Variants in ADCY6 observed in about 807,000 individuals in gnomAD.
ADCY6 encodes the protein adenylate cyclase 6, also known as adenylate cyclase type 6.
Under a neutral mutation model 111.6 loss-of-function variants are expected in ADCY6, and 59 were observed. The observed-to-expected ratio is 0.53, with a 90% CI of 0.43 to 0.66. The LOEUF (loss-of-function observed/expected upper bound fraction) is 0.66. Among genes scored for constraint, ADCY6 ranks in the 30% least tolerant of loss-of-function variants. The pLI is 0.00. For missense variants in ADCY6, 1,242 were observed against 1,595.6 expected, an observed-to-expected ratio of 0.78 and a Z score of 3.78; for synonymous variants, 576 against 642.9, an observed-to-expected ratio of 0.90 and a Z score of 1.57.
chr12:48,768,885 G>A, intron 21 of ADCY6, 52 bp downstream of exon 21: 1 of 1,571,870 alleles, frequency 6.4e-7, no homozygotes, highest in East Asian at 2.2e-5. Context: ...AGACACCTGT[G>A]GAAGCCCTCC....
At chr12:48,785,581 T>G (rs1941965999) in intron 1 of ADCY6, among the ~76,000 whole-genome samples, 1 of 152,182 alleles carries the variant, frequency 6.6e-6, no homozygotes, top group Non-Finnish European at 1.5e-5. Flanking sequence ...ATCACACCAT[T>G]GCGCTCCAGC....
At position 48,775,307 on chromosome 12, in the gene ADCY6, T is replaced by C. The variant is rs780362549; in HGVS notation, c.1976A>G (p.Lys659Arg). 31 of 1,613,820 alleles carry C rather than the reference T, an allele frequency of 1.9e-5. No homozygotes were observed. The South Asian group carries it at 2.2e-4, about 11-fold the overall frequency. The change falls in exon 11 of 22, where the codon AAG becomes AGG. Residue 659 changes from lysine (K) to arginine (R), a missense_variant. Coordinates refer to ENST00000357869, the MANE Select transcript of ADCY6 (RefSeq NM_015270.5). Reference sequence around the variant, plus strand: ...TCTGCCCTGTATCCCTCAAACCTTCTTCTCAAGATCCTCTCTCTGGAAGGT... The same window carrying C: ...TCTGCCCTGTATCCCTCAAACCTTCCTCTCAAGATCCTCTCTCTGGAAGGT... The part of the protein sequence containing the change: ...LLTFQREDLE[K>R]KYSRKVDPRF...
Position 48,775,700 on chromosome 12 carries a change from T to C in ADCY6, c.1807-2A>G. 1 of 1,613,390 alleles carries C rather than the reference T, an allele frequency of 6.2e-7. No homozygotes were observed. The highest frequency in any genetic ancestry group is 8.5e-7 in the Non-Finnish European group (1 of 1,179,536). On this transcript the variant is annotated splice_acceptor_variant, in intron 9 of 21. Coordinates refer to ENST00000357869, the MANE Select transcript of ADCY6 (RefSeq NM_015270.5). LOFTEE classifies it high-confidence loss of function. ...GTCTTTGCTGGAATCATCAATGCCC[T>C]GGAGAAAGGGACAGAGTGTGGAGTG... is the stretch of plus-strand genomic sequence containing the variant.
chr12:48,771,423 CCTT>C lies in ADCY6; in HGVS notation c.3051+284_3051+286del, dbSNP rs1163530783. On this transcript the variant is annotated intron_variant, in intron 19 of 21. Transcript: ENST00000357869. This position sits in a 1 kb window ranked among gnomAD's most constrained non-coding sequence, Gnocchi z 4.3. ...ATGAGGTTCTGTCCACAGACTATTG[CCTT>C]CTTCTTCAGTGACATCCACCTGGTA... The C allele has an allele frequency of 1.3e-5, 7 of 552,536 alleles. No homozygotes were observed. The East Asian group carries it at 2.2e-4, about 18-fold the overall frequency. 34.2% of individuals were successfully genotyped at this position (552,536 alleles called of 1,614,324 possible).
chr12:48,774,409 G>T lies in ADCY6; in HGVS notation c.2276C>A (p.Ala759Asp), dbSNP rs1302774474. 6.2e-7 allele frequency: 1 copy of T among 1,612,816 alleles called. No homozygotes were observed. The highest frequency in any genetic ancestry group is 1.3e-5 in the African/African-American group (1 of 74,942). The change falls in exon 14 of 22, where the codon GCC becomes GAC. Residue 759 changes from alanine (A) to aspartate (D), a missense_variant. Ala to Asp is a moderately radical substitution (Grantham distance 126). This residue lies in a region of ADCY6 where 375 missense variants were observed against 432.5 expected (regional missense o/e 0.87). Transcript: ENST00000357869. ...TTCCCACTGGACCCTTACCATGTTG[G>T]CAATGGCAGAAGTAAACACAAGCAG... ...SVLLVFTSAIANMFTCNHTPI... is the reference protein window; with the variant it reads ...SVLLVFTSAIDNMFTCNHTPI...
At position 48,772,162 on chromosome 12, in the gene ADCY6, CA is replaced by C. The variant is rs1592155659; in HGVS notation, c.2787+132del. On this transcript the variant is annotated intron_variant, in intron 18 of 21. Transcript: ENST00000357869. ...TGGGGCAGGGAGTAAGGGATGGGCA[CA>C]GAGAAGGAATGGAACCAGGGTGGGC... is the stretch of plus-strand genomic sequence containing the variant. The C allele has an allele frequency of 2.8e-6, 4 of 1,431,150 alleles. No individual in the cohort carries two copies. In the East Asian group the frequency reaches 9.3e-5, roughly 33 times the overall value. The allele number at this position is 1,431,150 out of a possible 1,614,324, so 88.7% of individuals were successfully genotyped here. A position where few individuals can be genotyped will look rare whatever the true frequency, so the allele number is the denominator to read the frequency against.
chr12:48,783,236 C>A lies in ADCY6; in HGVS notation c.199G>T (p.Asp67Tyr), dbSNP rs770576323. The part of the protein sequence containing the change: ...PAGPPRCPWQ[D>Y]DAFIRRGGPG... The stretch of plus-strand genomic sequence containing the variant: ...CCGCCCCTCCGGATGAAGGCGTCAT[C>A]CTGCCAGGGGCACCGAGGGGGGCCC... Residue 67 changes from aspartate (D) to tyrosine (Y), a missense_variant, in exon 2 of 22, where the codon GAT (aspartate) becomes TAT (tyrosine). By Grantham distance (160) the Asp-to-Tyr change is radical. Around this residue, in one of 4 missense-constraint regions of ADCY6, gnomAD observed 362 missense variants for 377.2 expected, o/e 0.96. Coordinates refer to ENST00000357869, the MANE Select transcript of ADCY6 (RefSeq NM_015270.5). 2 of 1,609,396 alleles carry A rather than the reference C, an allele frequency of 1.2e-6. No homozygotes were observed. Among genetic ancestry groups the A allele is most frequent in the East Asian group, 2.2e-5 (1 of 44,872 alleles).
chr12:48,772,268 T>G (rs777151176), intron 18 of ADCY6, 27 bp downstream of exon 18: 3 of 1,594,024 alleles, frequency 1.9e-6, no homozygotes, highest in Non-Finnish European at 2.6e-6. Flanking sequence ...AGGTTCCTCC[T>G]CTTCCCCCAA....
Position 48,771,502 on chromosome 12 carries a change from T to A in ADCY6, c.3051+208A>T, listed in dbSNP as rs781760912. ...GTCCTCCCCTGCTCCCCAACAGTGA[T>A]GACCCTGCCCCACTAGGGCTGACCC... On this transcript the variant is annotated intron_variant, in intron 19 of 21. Transcript: ENST00000357869. This position sits in a 1 kb window ranked among gnomAD's most constrained non-coding sequence, Gnocchi z 4.3. 3.9e-5 allele frequency: 29 copies of A among 743,172 alleles called. 1 individual carries two copies. In the South Asian group the frequency reaches 4.5e-4, roughly 12 times the overall value. 46.0% of individuals were successfully genotyped at this position (743,172 alleles called of 1,614,324 possible). A position where few individuals can be genotyped will look rare whatever the true frequency, so the allele number is the denominator to read the frequency against.
Position 48,772,346 on chromosome 12 carries a change from A to C in ADCY6, c.2736T>G (p.His912Gln). ...LLVFALALYL[H>Q]AQQVESTARL... ...GGGCAGTCGACTCCACCTGCTGAGC[A>C]TGCAGATACAGCGCCAGCGCAAACA... Residue 912 changes from histidine to glutamine, a missense_variant, in exon 18 of 22, where the codon CAT (histidine) becomes CAG (glutamine). Physicochemically the swap from His to Gln is conservative, Grantham distance 24. Transcript: ENST00000357869. The C allele has an allele frequency of 5.6e-6, 9 of 1,614,164 alleles. No homozygotes were observed. The highest frequency in any genetic ancestry group is 7.6e-6 in the Non-Finnish European group (9 of 1,180,014).
At chr12:48,772,182 G>T in intron 18 of ADCY6, 113 bp downstream of exon 18, 5 of 1,465,882 alleles carry the variant, frequency 3.4e-6, no homozygotes, top group Non-Finnish European at 4.5e-6. Context: ...ATGGAACCAG[G>T]GTGGGCCTAG....
In ADCY6 at chr12:48,774,787, G is replaced by T; in HGVS notation, c.2079-9C>A. On this transcript the variant is annotated splice_polypyrimidine_tract_variant and intron_variant, in intron 12 of 21. Coordinates refer to ENST00000357869, the MANE Select transcript of ADCY6 (RefSeq NM_015270.5). ...CAAGCATCAGGGTGGAGCTGGGGCAGAACAGGGCCAGAAAAATCATTTAAT... is the reference window on the plus strand; with the variant it reads ...CAAGCATCAGGGTGGAGCTGGGGCATAACAGGGCCAGAAAAATCATTTAAT... The T allele has an allele frequency of 6.2e-7, 1 of 1,613,228 alleles. No homozygotes were observed. Among genetic ancestry groups the T allele is most frequent in the South Asian group, 1.1e-5 (1 of 90,994 alleles).
In ADCY6 at chr12:48,775,061, G is replaced by A. The variant is rs1210704066; in HGVS notation, c.1981-7C>T. The A allele has an allele frequency of 1.3e-6, 2 of 1,552,562 alleles. No homozygotes were observed. Among genetic ancestry groups the A allele is most frequent in the Admixed American group, 2.0e-5 (1 of 51,100 alleles). ...GATCCACCTTCCGGGAGTACTGAGG[G>A]AGAGGAGGCTGAGCTGAGTGCTGGG... On this transcript the variant is annotated splice_region_variant and splice_polypyrimidine_tract_variant and intron_variant, in intron 11 of 21. Transcript: ENST00000357869.
Position 48,777,366 on chromosome 12 carries a change from C to T in ADCY6, c.1248+44G>A. On this transcript the variant is annotated intron_variant, in intron 5 of 21. Coordinates refer to ENST00000357869, the MANE Select transcript of ADCY6 (RefSeq NM_015270.5). The surrounding 1 kb of genome is among the most constrained non-coding windows in gnomAD (Gnocchi z 4.9). ...GCTGCCAGCAAAGCTATGCTCTCAC[C>T]ACGGTCAACACCCAGGCCCAATCCC... 1.9e-6 allele frequency: 3 copies of T among 1,608,520 alleles called. No individual in the cohort carries two copies. The highest frequency in any genetic ancestry group is 2.6e-6 in the Non-Finnish European group (3 of 1,175,614).
At chr12:48,773,893 G>A (rs986364679) in intron 15 of ADCY6, 47 bp downstream of exon 15, 6 of 1,601,294 alleles carry the variant, frequency 3.7e-6, no homozygotes, top group African/African-American at 2.7e-5. Context: ...AAGGGCCAAT[G>A]TCTGTGCCAG....
rs781587179 is a variant in ADCY6, at chr12:48,783,126, C to T, written c.309G>A (p.Thr103=). 2 of 1,608,688 alleles carry T rather than the reference C, an allele frequency of 1.2e-6. No homozygotes were observed. Among genetic ancestry groups the T allele is most frequent in the Non-Finnish European group, 8.5e-7 (1 of 1,179,166 alleles). Residue 103 remains threonine (T), a synonymous_variant, in exon 2 of 22, where the codon ACG becomes ACA. Coordinates refer to ENST00000357869, the MANE Select transcript of ADCY6 (RefSeq NM_015270.5). ...DTEVTTTAGG[T]AEVAPDAVPR... is the part of the protein sequence containing the mutation. ...GCACCGCGTCGGGCGCCACCTCAGC[C>T]GTCCCGCCCGCTGTCGTTGTCACCT...
rs755106681 is a variant in ADCY6, at chr12:48,771,765, T to C, written c.2996A>G (p.Asn999Ser). 83 of 1,614,070 alleles carry C rather than the reference T, an allele frequency of 5.1e-5. No individual in the cohort carries two copies. The highest frequency in any genetic ancestry group is 6.0e-5 in the Non-Finnish European group (71 of 1,180,048). The change falls in exon 19 of 22, where the codon AAT becomes AGT. Residue 999 changes from asparagine (N) to serine (S), a missense_variant. This residue lies in a region of ADCY6 where 245 missense variants were observed against 371.3 expected (regional missense o/e 0.66). Coordinates refer to ENST00000357869, the MANE Select transcript of ADCY6 (RefSeq NM_015270.5). The surrounding 1 kb of genome is among the most constrained non-coding windows in gnomAD (Gnocchi z 4.3). ...SEFYVELEANNEGVECLRLLN... is the reference protein window; with the variant it reads ...SEFYVELEANSEGVECLRLLN... ...CAGCCGCAGGCACTCGACACCCTCATTGTTTGCCTCCAGCTCCACATAGAA... is the reference window on the plus strand; with the variant it reads ...CAGCCGCAGGCACTCGACACCCTCACTGTTTGCCTCCAGCTCCACATAGAA...
Position 48,778,314 on chromosome 12 carries a change from A to G in ADCY6, c.865-57T>C, listed in dbSNP as rs1183846159. On this transcript the variant is annotated intron_variant, in intron 2 of 21. Transcript: ENST00000357869. Reference sequence around the variant, plus strand: ...ATCTCCTCTGCCTGCCCCCCTAAACACACACACACATTCACACAACTTGCT... The same window carrying G: ...ATCTCCTCTGCCTGCCCCCCTAAACGCACACACACATTCACACAACTTGCT... 5 of 1,607,358 alleles carry G rather than the reference A, an allele frequency of 3.1e-6. No homozygotes were observed. The African/African-American group carries it at 6.7e-5, about 21-fold the overall frequency.
rs1388809812 is a variant in ADCY6, at chr12:48,768,188, GA to G, written c.*402del. On this transcript the variant is annotated 3_prime_UTR_variant, in exon 22 of 22. Transcript: ENST00000357869. ...AAAATATTGTACAAAATATTCCCAG[GA>G]AAAAAGAGGGAAAAGAAGGGCTCAG... The G allele has an allele frequency of 3.6e-6, 1 of 275,280 alleles. No individual in the cohort carries two copies. The highest frequency in any genetic ancestry group is 7.1e-6 in the Non-Finnish European group (1 of 141,460). 17.1% of individuals were successfully genotyped at this position (275,280 alleles called of 1,614,324 possible). A position where few individuals can be genotyped will look rare whatever the true frequency, so the allele number is the denominator to read the frequency against.
Sources: allele counts gnomAD v4.1 joint callset (sites outside exome capture counted in the v4.1 genomes callset), GRCh38; gene constraint gnomAD v4.1.1; regional missense constraint gnomAD v4.1.1; non-coding constraint Gnocchi (gnomAD v3.1); transcripts MANE v1.5; gene names NCBI Gene and HGNC (gene_info 2026-07-23, HGNC 2026-07-21).